The following WDR44 variants were observed in gnomAD, a reference collection of about 807,000 sequenced individuals.
The protein encoded by WDR44 is WD repeat-containing protein 44.
In WDR44, 9 loss-of-function variants were observed where a neutral mutation model predicts 65.7. The observed-to-expected ratio is 0.14, with a 90% CI of 0.08 to 0.24. The LOEUF is 0.24. Among genes scored for constraint, WDR44 ranks in the 10% least tolerant of loss-of-function variants. WDR44 has a pLI of 1.00. For synonymous variants in WDR44, 220 were observed against 235.2 expected (o/e 0.94, Z 0.59); for missense variants, 425 against 670.9 (o/e 0.63, Z 4.05).
intron 14 of WDR44, among the ~76,000 whole-genome samples, chrX:118,440,450 A>G (rs2057295226): frequency 1.8e-5 from 2 of 111,218 alleles, no homozygotes; most frequent in Non-Finnish European, 1.9e-5. Flanking sequence ...TGATGAAGTA[A>G]TTCTCTGTTG....
chrX:118,420,302 A>C (rs1395163980), intron 12 of WDR44, among the ~76,000 whole-genome samples: 1 of 110,405 alleles, frequency 9.1e-6, no homozygotes, highest in Admixed American at 9.6e-5. Context: ...CCGAGGCTGG[A>C]GTGCAGTGGC....
intron 6 of WDR44, 112 bp from the exon 7 acceptor site, chrX:118,396,858 T>G (rs1415785910): frequency 1.2e-6 from 1 of 807,788 alleles, no homozygotes; most frequent in Non-Finnish European, 1.7e-6. Context: ...GTGTGCAGTA[T>G]TGAATATATC....
chrX:118,440,132 AAAAG>A (rs1440282212), intron 14 of WDR44, among the ~76,000 whole-genome samples: 155 of 108,577 alleles, frequency 1.4e-3, no homozygotes, highest in African/African-American at 3.9e-3. Flanking sequence ...AAAAAAAAAA[AAAAG>A]AAAGAAAGAA....
Position 118,385,451 on chromosome X carries a change from G to T in WDR44, c.112-1889G>T, listed in dbSNP as rs191702902. 2.3e-4 allele frequency among the ~76,000 whole-genome samples: 26 copies of T among 111,561 alleles called. No homozygotes were observed. In the East Asian group the frequency reaches 5.1e-3, roughly 22 times the overall value. On this transcript the variant is annotated intron_variant, in intron 2 of 19. Transcript: ENST00000254029. ...TCTCACTTATAGGTGGGAGCTAAATGATGTGGACACATGAACCCATAGAGG... is the reference window on the plus strand; with the variant it reads ...TCTCACTTATAGGTGGGAGCTAAATTATGTGGACACATGAACCCATAGAGG...
chrX:118,360,020 A>G (rs1248182819), intron 1 of WDR44, among the ~76,000 whole-genome samples: 1 of 111,810 alleles, frequency 8.9e-6, no homozygotes, highest in Non-Finnish European at 1.9e-5. Context: ...CCTAGCACTT[A>G]TTTTTTTCCT....
chrX:118,429,141 C>T (rs1046396324), intron 12 of WDR44, among the ~76,000 whole-genome samples: 10 of 110,839 alleles, frequency 9.0e-5, no homozygotes, highest in African/African-American at 3.0e-4. Flanking sequence ...TGCAGCAAAC[C>T]ACCCTGGCAC....
chrX:118,357,080 C>G (rs1206081679), intron 1 of WDR44, among the ~76,000 whole-genome samples: 1 of 110,168 alleles, frequency 9.1e-6, no homozygotes, highest in African/African-American at 3.3e-5. Context: ...ATCCTCCCAC[C>G]TCGGCCTCTC....
chrX:118,374,448 A>C (rs145632547), intron 1 of WDR44, among the ~76,000 whole-genome samples: 1 of 111,823 alleles, frequency 8.9e-6, no homozygotes, highest in African/African-American at 3.2e-5. Context: ...TTTTAGGCTT[A>C]ATAGACTTGA....
chrX:118,358,202 A>C (rs2056480111), intron 1 of WDR44, among the ~76,000 whole-genome samples: 1 of 112,340 alleles, frequency 8.9e-6, no homozygotes, highest in African/African-American at 3.2e-5. Flanking sequence ...AACTGTTTAG[A>C]AAACTAATAG....
chrX:118,422,959 A>G (rs778427690), intron 12 of WDR44, among the ~76,000 whole-genome samples: 2 of 111,349 alleles, frequency 1.8e-5, no homozygotes, highest in South Asian at 7.6e-4. Flanking sequence ...TTATGCTCCA[A>G]TAGTTGACAT....
chrX:118,393,907 G>C (rs937630803), intron 4 of WDR44, 148 bp from the exon 5 acceptor site: 2 of 501,137 alleles, frequency 4.0e-6, no homozygotes, highest in Admixed American at 4.1e-5. Context: ...TGTATGAGCT[G>C]TATAGTCTTG....
intron 12 of WDR44, among the ~76,000 whole-genome samples, chrX:118,426,204 T>C (rs2057155317): frequency 8.9e-6 from 1 of 112,138 alleles, no homozygotes; most frequent in Non-Finnish European, 1.9e-5. Flanking sequence ...GAGGTATATA[T>C]AGAAGTATCT....
At chrX:118,395,424 A>T (rs985650508) in intron 6 of WDR44, 80 bp downstream of exon 6, 4 of 761,292 alleles carry the variant, frequency 5.3e-6, no homozygotes, top group Non-Finnish European at 7.8e-6. Flanking sequence ...CGTTCTGGAG[A>T]TGGATGGTAA....
At chrX:118,401,796 G>T (rs1233510959) in intron 8 of WDR44, among the ~76,000 whole-genome samples, 1 of 100,671 alleles carries the variant, frequency 9.9e-6, no homozygotes, top group African/African-American at 3.8e-5. Flanking sequence ...GGGTTTTTAT[G>T]GTTTTAGGTC....
intron 1 of WDR44, among the ~76,000 whole-genome samples, chrX:118,352,155 GT>G (rs202208400): frequency 1.6e-4 from 14 of 87,781 alleles, no homozygotes; most frequent in Non-Finnish European, 2.4e-4. Flanking sequence ...TTTGTTTTTT[GT>G]TTTTTTTTTT....
chrX:118,430,429 C>T (rs1298835747), intron 12 of WDR44, among the ~76,000 whole-genome samples: 1 of 107,684 alleles, frequency 9.3e-6, no homozygotes, highest in Non-Finnish European at 1.9e-5. Context: ...GTAATCCCAG[C>T]TACTCAGGAG....
Position 118,430,205 on chromosome X carries a change from T to G in WDR44, c.1738-2576T>G, listed in dbSNP as rs2057196667. Reference sequence around the variant, plus strand: ...ATGTTAATTTTTCTGTTTTTTTTTTTTTGTTCTCCGAATTGTCTACACTGA... The same window carrying G: ...ATGTTAATTTTTCTGTTTTTTTTTTGTTGTTCTCCGAATTGTCTACACTGA... On this transcript the variant is annotated intron_variant, in intron 12 of 19. Transcript: ENST00000254029. 2.7e-5 allele frequency among the ~76,000 whole-genome samples: 3 copies of G among 109,229 alleles called. No individual in the cohort carries two copies. In the Admixed American group the frequency reaches 3.0e-4, roughly 11 times the overall value. The allele number at this position is 109,229 out of a possible 115,157, so 94.9% of individuals were successfully genotyped here.
intron 3 of WDR44, among the ~76,000 whole-genome samples, chrX:118,391,859 A>G: frequency 9.0e-6 from 1 of 111,068 alleles, no homozygotes; most frequent in East Asian, 2.8e-4. Context: ...AGCACCTGTA[A>G]TCTCAGCTTT....
intron 12 of WDR44, among the ~76,000 whole-genome samples, chrX:118,428,712 A>G (rs2057180723): frequency 8.9e-6 from 1 of 112,085 alleles, no homozygotes; most frequent in South Asian, 3.7e-4. Flanking sequence ...GTATATACCC[A>G]AAGGAATAGA....
Sources: gnomAD v4.1 joint callset for allele counts (sites outside exome capture counted in the v4.1 genomes callset) on GRCh38, gnomAD v4.1.1 for gene constraint, MANE v1.5 for transcripts, NCBI Gene and HGNC (gene_info 2026-07-23, HGNC 2026-07-21) for gene names.